UGT2A2: variants seen among roughly 807,000 people sequenced by gnomAD.
UGT2A2 encodes the protein UDP glucuronosyltransferase family 2 member A2, also known as UDP-glucuronosyltransferase 2A2.
In UGT2A2, 60 loss-of-function variants were observed where a neutral mutation model predicts 50.7. The ratio of observed to expected loss-of-function variants is 1.18; its 90% CI spans 0.96 to 1.47. The LOEUF (loss-of-function observed/expected upper bound fraction) is 1.47. Among genes scored for constraint, UGT2A2 ranks in the 40% most tolerant of loss-of-function variants. UGT2A2 has a pLI of 0.00. For synonymous variants in UGT2A2, 242 were observed against 214.6 expected (o/e 1.13, Z -1.11); for missense variants, 762 against 634.0 (o/e 1.20, Z -2.17).
intron 5 of UGT2A2, among the ~76,000 whole-genome samples, chr4:69,594,268 C>A (rs374993798): frequency 6.6e-6 from 1 of 152,090 alleles, no homozygotes; most frequent in East Asian, 1.9e-4. Context: ...GCCACTGCGC[C>A]CGGCCAATAT....
intron 1 of UGT2A2, among the ~76,000 whole-genome samples, chr4:69,623,986 A>G (rs1720899118): frequency 6.6e-6 from 1 of 151,654 alleles, no homozygotes; most frequent in Non-Finnish European, 1.5e-5. Context: ...AAAAACATGT[A>G]ATTTTCACAA....
At chr4:69,607,978 T>G (rs1031721615) in intron 1 of UGT2A2, among the ~76,000 whole-genome samples, 1 of 152,202 alleles carries the variant, frequency 6.6e-6, no homozygotes, top group Non-Finnish European at 1.5e-5. Context: ...GGTGGGACTG[T>G]AAACTAGTTC....
At chr4:69,616,877 C>T (rs1364600361) in intron 1 of UGT2A2, among the ~76,000 whole-genome samples, 15 of 80,430 alleles carry the variant, frequency 1.9e-4, no homozygotes, top group Non-Finnish European at 2.1e-4. Flanking sequence ...GTTTCATTTT[C>T]CCACTTGAAA....
At chr4:69,590,605 A>T (rs760515941) in intron 5 of UGT2A2, among the ~76,000 whole-genome samples, 1 of 151,774 alleles carries the variant, frequency 6.6e-6, no homozygotes, top group Non-Finnish European at 1.5e-5. Context: ...TGGTACAACT[A>T]GATTCAGCAG....
At position 69,589,545 on chromosome 4, in the gene UGT2A2, C is replaced by A; in HGVS notation, c.1438G>T (p.Ala480Ser). ...TGGGCTGCAACCCGAAGGTGCTTGGCTCCTTTGTGGCGCATGACAAACTCG... is the reference window on the plus strand; with the variant it reads ...TGGGCTGCAACCCGAAGGTGCTTGGATCCTTTGTGGCGCATGACAAACTCG... ...WIEFVMRHKG[A>S]KHLRVAAHDL... Residue 480 changes from alanine to serine, a missense_variant, in exon 6 of 6, where the codon GCC becomes TCC. Transcript: ENST00000604629. 1 of 1,614,052 alleles carries A rather than the reference C, an allele frequency of 6.2e-7. No individual in the cohort carries two copies. The highest frequency in any genetic ancestry group is 8.5e-7 in the Non-Finnish European group (1 of 1,179,972).
chr4:69,597,665 T>C (rs2109886410), intron 2 of UGT2A2, among the ~76,000 whole-genome samples: 1 of 152,264 alleles, frequency 6.6e-6, no homozygotes, highest in South Asian at 2.1e-4. Flanking sequence ...CAGGAATTGG[T>C]GCTTTGCCAT....
intron 1 of UGT2A2, among the ~76,000 whole-genome samples, chr4:69,610,913 C>T (rs952426436): frequency 6.6e-6 from 1 of 152,114 alleles, no homozygotes; most frequent in East Asian, 1.9e-4. Flanking sequence ...ATTAGCTAAT[C>T]TTTTTCATAC....
chr4:69,595,441 T>G (rs1221522215), intron 3 of UGT2A2, among the ~76,000 whole-genome samples, 192 bp from the exon 4 acceptor site: 1 of 152,258 alleles, frequency 6.6e-6, no homozygotes, highest in African/African-American at 2.4e-5. Context: ...ACTAATAGTC[T>G]ACCAAGTATA....
chr4:69,627,868 A>G (rs79619475), intron 1 of UGT2A2, among the ~76,000 whole-genome samples: 46,567 of 151,662 alleles, frequency 0.31, 7,442 homozygotes, highest in African/African-American at 0.36. Flanking sequence ...ACAGGTTAAA[A>G]GAGAATGGAG....
intron 5 of UGT2A2, among the ~76,000 whole-genome samples, chr4:69,592,692 TAGAC>T (rs753467072): frequency 2.6e-5 from 4 of 151,958 alleles, no homozygotes; most frequent in South Asian, 2.1e-4. Context: ...TTAGAACAAT[TAGAC>T]AGGAAATAAG....
Position 69,589,030 on chromosome 4 carries a change from T to C in UGT2A2, c.*342A>G, listed in dbSNP as rs541633653. The C allele has an allele frequency of 1.1e-5, 2 of 187,688 alleles. No homozygotes were observed. Among genetic ancestry groups the C allele is most frequent in the South Asian group, 1.1e-4 (1 of 9,290 alleles). The allele number at this position is 187,688 out of a possible 1,614,324, so 11.6% of individuals were successfully genotyped here. A position where few individuals can be genotyped will look rare whatever the true frequency, so the allele number is the denominator to read the frequency against. ...GTATGCATTACCAGGATTCAGCATATTGTTAATCATTAATTAAGGTTAACG... is the reference window on the plus strand; with the variant it reads ...GTATGCATTACCAGGATTCAGCATACTGTTAATCATTAATTAAGGTTAACG... On this transcript the variant is annotated 3_prime_UTR_variant, in exon 6 of 6. Transcript: ENST00000604629.
At chr4:69,604,299 T>A (rs1719470597) in intron 1 of UGT2A2, among the ~76,000 whole-genome samples, 1 of 132,308 alleles carries the variant, frequency 7.6e-6, no homozygotes, top group Non-Finnish European at 1.6e-5. Context: ...AACCCAGAAT[T>A]TCATATCTAG....
At chr4:69,600,415 A>G (rs1719210722) in intron 1 of UGT2A2, among the ~76,000 whole-genome samples, 1 of 152,160 alleles carries the variant, frequency 6.6e-6, no homozygotes, top group Non-Finnish European at 1.5e-5. Flanking sequence ...AGAGCTCCCA[A>G]CTGAGAATCA....
Position 69,594,535 on chromosome 4 carries a change from T to C in UGT2A2, c.1273A>G (p.Asn425Asp). 3 of 1,614,146 alleles carry C rather than the reference T, an allele frequency of 1.9e-6. No homozygotes were observed. The highest frequency in any genetic ancestry group is 1.7e-6 in the Non-Finnish European group (2 of 1,180,030). ...AGCAAATCCACACTTGTCATTGTGT[T>C]TAGGTTCACTTCCACAGCTGCTCCT... Reference protein sequence around the residue: ...AKGAAVEVNLNTMTSVDLLSA... With the variant: ...AKGAAVEVNLDTMTSVDLLSA... The change falls in exon 5 of 6, where the codon AAC (asparagine) becomes GAC (aspartate). Residue 425 changes from asparagine (N) to aspartate (D), a missense_variant. By Grantham distance (23) the Asn-to-Asp change is conservative (BLOSUM62 1). Coordinates refer to ENST00000604629, the MANE Select transcript of UGT2A2 (RefSeq NM_001105677.2).
chr4:69,600,834 AACTC>A (rs1274637608), intron 1 of UGT2A2, among the ~76,000 whole-genome samples: 1 of 151,860 alleles, frequency 6.6e-6, no homozygotes, highest in Admixed American at 6.6e-5. Flanking sequence ...ATCTCGTGAT[AACTC>A]ACTCACTATC....
intron 1 of UGT2A2, among the ~76,000 whole-genome samples, chr4:69,617,437 G>T (rs1423309882): frequency 6.6e-6 from 1 of 151,862 alleles, no homozygotes; most frequent in Admixed American, 6.6e-5. Context: ...TAACATGTAA[G>T]AAATGTATAT....
Position 69,596,496 on chromosome 4 carries a change from G to C in UGT2A2, c.892-115C>G, listed in dbSNP as rs1577946786. On this transcript the variant is annotated intron_variant, in intron 2 of 5. Coordinates refer to ENST00000604629, the MANE Select transcript of UGT2A2 (RefSeq NM_001105677.2). ...TATATGTCAGAGAAACTGTTGAACT[G>C]TCTGTCTTCTGACATGTAGAAAGAT... The C allele has an allele frequency of 2.3e-6, 3 of 1,304,308 alleles. No homozygotes were observed. The South Asian group carries it at 6.7e-5, about 29-fold the overall frequency. 80.8% of individuals were successfully genotyped at this position (1,304,308 alleles called of 1,614,324 possible). A position where few individuals can be genotyped will look rare whatever the true frequency, so the allele number is the denominator to read the frequency against.
chr4:69,608,501 C>A (rs1719820842), intron 1 of UGT2A2, among the ~76,000 whole-genome samples: 2 of 151,824 alleles, frequency 1.3e-5, no homozygotes, highest in Non-Finnish European at 2.9e-5. Context: ...AGCACACCAA[C>A]CTGGCACATG....
rs767179840 is a variant in UGT2A2, at chr4:69,594,525, G to A, written c.1283C>T (p.Thr428Ile). The change falls in exon 5 of 6, where the codon ACA (threonine) becomes ATA (isoleucine). Residue 428 changes from threonine (T) to isoleucine (I), a missense_variant. By Grantham distance (89) the Thr-to-Ile change is moderately conservative (BLOSUM62 -1). Coordinates refer to ENST00000604629, the MANE Select transcript of UGT2A2 (RefSeq NM_001105677.2). ...AAVEVNLNTM[T>I]SVDLLSALRT... ...CAAAGCGCTAAGCAAATCCACACTT[G>A]TCATTGTGTTTAGGTTCACTTCCAC... The A allele has an allele frequency of 3.7e-6, 6 of 1,614,164 alleles. No individual in the cohort carries two copies. The Admixed American group carries it at 5.0e-5, about 13-fold the overall frequency.
Sources: gnomAD v4.1 joint callset for allele counts (sites outside exome capture counted in the v4.1 genomes callset) on GRCh38, gnomAD v4.1.1 for gene constraint, MANE v1.5 for transcripts, NCBI Gene and HGNC (gene_info 2026-07-23, HGNC 2026-07-21) for gene names.